Variants in GABRA1 observed in about 807,000 individuals in gnomAD.
The protein encoded by GABRA1 is gamma-aminobutyric acid receptor subunit alpha-1.
A neutral mutation model predicts 48.9 loss-of-function variants in GABRA1; 9 were observed. That is an observed-to-expected ratio of 0.18 (90% CI 0.11 to 0.32). The LOEUF is 0.32. GABRA1 is among the 10% of genes least tolerant of loss of function. The pLI, the probability that GABRA1 is intolerant of heterozygous loss-of-function variation, is 1.00. For missense variants in GABRA1, 285 were observed against 553.8 expected (o/e 0.51, Z 4.87); for synonymous variants, 210 against 198.7 (o/e 1.06, Z -0.48).
At chr5:161,889,299 A>G (rs949998339) in intron 7 of GABRA1, among the ~76,000 whole-genome samples, 1 of 152,096 alleles carries the variant, frequency 6.6e-6, no homozygotes, top group Non-Finnish European at 1.5e-5. Flanking sequence ...ACATAGTATC[A>G]TCTTAATTAG....
rs1754186201 is a variant in GABRA1, at chr5:161,872,938, A to T, written c.256-179A>T. 3.1e-5 allele frequency: 19 copies of T among 615,494 alleles called. No individual in the cohort carries two copies. The South Asian group carries it at 3.7e-4, about 12-fold the overall frequency. The allele number at this position is 615,494 out of a possible 1,614,324, so 38.1% of individuals were successfully genotyped here. A position where few individuals can be genotyped will look rare whatever the true frequency, so the allele number is the denominator to read the frequency against. ...GATATTTTTTTTAAAAAATCATTAC[A>T]CCAACCAGTGATTCTCCTGACATCA... On this transcript the variant is annotated intron_variant, in intron 4 of 9. Coordinates refer to ENST00000393943, the MANE Select transcript of GABRA1 (RefSeq NM_001127644.2).
chr5:161,861,632 A>T (rs60599169), intron 3 of GABRA1, among the ~76,000 whole-genome samples: 1 of 151,930 alleles, frequency 6.6e-6, no homozygotes, highest in African/African-American at 2.4e-5. Context: ...GTAGCTCTAC[A>T]TATCATCTAG....
intron 4 of GABRA1, among the ~76,000 whole-genome samples, chr5:161,867,874 G>A (rs1753941971): frequency 6.6e-6 from 1 of 151,952 alleles, no homozygotes; most frequent in African/African-American, 2.4e-5. Context: ...ATATAGCACT[G>A]CTTTGTAAAC....
chr5:161,893,004 CAAA>C (rs201136274), intron 8 of GABRA1, among the ~76,000 whole-genome samples: 885 of 33,950 alleles, frequency 0.026, 24 homozygotes, highest in African/African-American at 0.098. Context: ...GACTCCTTCT[CAAA>C]AAAATAATAA....
At chr5:161,895,991 A>G (rs1203492015) in intron 9 of GABRA1, 123 bp downstream of exon 9, 4 of 850,700 alleles carry the variant, frequency 4.7e-6, no homozygotes, top group East Asian at 5.1e-5. Flanking sequence ...TTTTTTTCTT[A>G]TGTCGTAAAC....
intron 4 of GABRA1, among the ~76,000 whole-genome samples, chr5:161,870,154 T>C (rs10061231): frequency 0.077 from 11,758 of 152,108 alleles, 523 homozygotes; most frequent in South Asian, 0.12. Flanking sequence ...ACTGGGGACT[T>C]AGCAAGCGTA....
chr5:161,891,640 C>A (rs941294379), intron 8 of GABRA1, among the ~76,000 whole-genome samples: 3 of 152,072 alleles, frequency 2.0e-5, no homozygotes, highest in African/African-American at 7.2e-5. Flanking sequence ...GGGTAAACAA[C>A]CTTTTACAAA....
intron 2 of GABRA1, among the ~76,000 whole-genome samples, chr5:161,851,171 G>T (rs549278145): frequency 6.6e-6 from 1 of 152,002 alleles, no homozygotes; most frequent in Admixed American, 6.6e-5. Context: ...CAAAACGTGC[G>T]GTTTCCTAAT....
intron 7 of GABRA1, among the ~76,000 whole-genome samples, chr5:161,887,844 T>C (rs954432261): frequency 1.3e-5 from 2 of 152,150 alleles, no homozygotes; most frequent in Non-Finnish European, 1.5e-5. Flanking sequence ...TCAGATTATG[T>C]AATTTTATCC....
chr5:161,848,918 A>T, intron 1 of GABRA1: 1 of 453,880 alleles, frequency 2.2e-6, no homozygotes, highest in East Asian at 7.1e-5. Flanking sequence ...TCCTGGCTGC[A>T]AAATTGCCTG....
chr5:161,895,302 C>T (rs1755311655), intron 8 of GABRA1, among the ~76,000 whole-genome samples: 1 of 152,068 alleles, frequency 6.6e-6, no homozygotes, highest in Non-Finnish European at 1.5e-5. Context: ...GGATCACAGG[C>T]AAGTGAAGAT....
chr5:161,848,807 G>A (rs1399714978), intron 1 of GABRA1: 1 of 322,888 alleles, frequency 3.1e-6, no homozygotes, highest in Non-Finnish European at 6.1e-6. Context: ...GGGAGCTGGG[G>A]TGAGTTGGGG....
At chr5:161,891,586 C>T (rs1033202784) in intron 8 of GABRA1, among the ~76,000 whole-genome samples, 10 of 152,062 alleles carry the variant, frequency 6.6e-5, no homozygotes, top group Non-Finnish European at 2.9e-5. Context: ...TTTTTAATGA[C>T]CTACATGCTT....
intron 8 of GABRA1, among the ~76,000 whole-genome samples, chr5:161,894,118 G>A (rs1447018759): frequency 6.6e-6 from 1 of 152,102 alleles, no homozygotes; most frequent in African/African-American, 2.4e-5. Context: ...ATAGTCATTA[G>A]TTTTGCCCTT....
intron 4 of GABRA1, 150 bp downstream of exon 4, chr5:161,865,938 T>C (rs553401303): frequency 6.0e-5 from 38 of 632,926 alleles, no homozygotes; most frequent in Non-Finnish European, 1.0e-4. Flanking sequence ...ATATGTAATA[T>C]AATATTTATA....
At position 161,889,143 on chromosome 5, in the gene GABRA1, G is replaced by C. The variant is rs1281202078; in HGVS notation, c.704-1755G>C. 2.6e-5 allele frequency among the ~76,000 whole-genome samples: 4 copies of C among 152,026 alleles called. No homozygotes were observed. In the East Asian group the frequency reaches 7.7e-4, roughly 29 times the overall value. The stretch of plus-strand genomic sequence containing the variant: ...GCTATTATCAATAACAGTTAATAAT[G>C]AAAGCAGGCATAAGTGCGTAGATAA... On this transcript the variant is annotated intron_variant, in intron 7 of 9. Transcript: ENST00000393943.
At chr5:161,884,051 T>C (rs1754732058) in intron 7 of GABRA1, among the ~76,000 whole-genome samples, 1 of 152,112 alleles carries the variant, frequency 6.6e-6, no homozygotes, top group African/African-American at 2.4e-5. Flanking sequence ...TTGGAAACTC[T>C]AGTATTGCCT....
At chr5:161,890,561 G>T (rs780081273) in intron 7 of GABRA1, among the ~76,000 whole-genome samples, 5 of 152,144 alleles carry the variant, frequency 3.3e-5, no homozygotes, top group Middle Eastern at 6.8e-3. Flanking sequence ...ATGTCACAGG[G>T]TTTAGCATAT....
intron 3 of GABRA1, among the ~76,000 whole-genome samples, chr5:161,861,963 G>A (rs1198229468): frequency 6.6e-6 from 1 of 151,822 alleles, no homozygotes; most frequent in Non-Finnish European, 1.5e-5. Context: ...TGAACCCATG[G>A]AACTGTTACT....
Sources: allele counts gnomAD v4.1 joint callset (sites outside exome capture counted in the v4.1 genomes callset), GRCh38; gene constraint gnomAD v4.1.1; transcripts MANE v1.5; gene names NCBI Gene and HGNC (gene_info 2026-07-23, HGNC 2026-07-21).